PAPOLA: variants seen among roughly 807,000 people sequenced by gnomAD.
The protein encoded by PAPOLA is polynucleotide adenylyltransferase alpha.
In PAPOLA, 15 loss-of-function variants were observed where a neutral mutation model predicts 100.6. The observed-to-expected ratio is 0.15, with a 90% confidence interval of 0.10 to 0.23. The LOEUF is 0.23. Ranked by LOEUF, PAPOLA falls within the 10% of genes least tolerant of loss-of-function variation. PAPOLA has a pLI of 1.00. For missense variants in PAPOLA, 533 were observed against 884.2 expected, an observed-to-expected ratio of 0.60 and a Z score of 5.04; for synonymous variants, 293 against 300.0, an observed-to-expected ratio of 0.98 and a Z score of 0.24.
chr14:96,545,197 A>G (rs926863704), intron 15 of PAPOLA, among the ~76,000 whole-genome samples: 2 of 152,074 alleles, frequency 1.3e-5, no homozygotes, highest in Non-Finnish European at 2.9e-5. Context: ...TAATTACAGG[A>G]GAGAAAAAAG....
chr14:96,535,354 G>A, intron 10 of PAPOLA: 1 of 982,916 alleles, frequency 1.0e-6, no homozygotes, highest in Non-Finnish European at 1.2e-6. Flanking sequence ...GCCACTTACT[G>A]ATATACAGAT....
Position 96,544,328 on chromosome 14 carries a change from T to C in PAPOLA, c.1399+70T>C. ...TTTCAAATTGTCTTGATGCATACCATAGTGATATTTACAATAATTGTTGAA... is the reference window on the plus strand; with the variant it reads ...TTTCAAATTGTCTTGATGCATACCACAGTGATATTTACAATAATTGTTGAA... On this transcript the variant is annotated intron_variant, in intron 15 of 21. Coordinates refer to ENST00000216277, the MANE Select transcript of PAPOLA (RefSeq NM_032632.5). The C allele has an allele frequency of 4.2e-6, 3 of 713,248 alleles. No individual in the cohort carries two copies. The East Asian group carries it at 7.6e-5, about 18-fold the overall frequency. The allele number at this position is 713,248 out of a possible 1,614,324, so 44.2% of individuals were successfully genotyped here.
intron 1 of PAPOLA, among the ~76,000 whole-genome samples, chr14:96,519,330 T>C (rs1286419527): frequency 6.6e-6 from 1 of 152,178 alleles, no homozygotes; most frequent in Non-Finnish European, 1.5e-5. Context: ...ATTCAACTGT[T>C]AGTTTAAAAT....
At chr14:96,507,738 G>C (rs1169903925) in intron 1 of PAPOLA, among the ~76,000 whole-genome samples, 1 of 152,138 alleles carries the variant, frequency 6.6e-6, no homozygotes, top group Non-Finnish European at 1.5e-5. Flanking sequence ...CATTTTAAGA[G>C]TTTTACAACT....
intron 3 of PAPOLA, among the ~76,000 whole-genome samples, chr14:96,523,986 G>C (rs1439001234): frequency 6.6e-6 from 1 of 151,408 alleles, no homozygotes; most frequent in Non-Finnish European, 1.5e-5. Flanking sequence ...TTGTCTATTA[G>C]TGTCTATAGT....
chr14:96,534,418 T>C, intron 9 of PAPOLA, 73 bp from the exon 10 acceptor site: 1 of 1,578,176 alleles, frequency 6.3e-7, no homozygotes, highest in Non-Finnish European at 8.6e-7. Flanking sequence ...TCACAAATGC[T>C]GTATGTTTAA....
chr14:96,509,040 T>G (rs544124802), intron 1 of PAPOLA, among the ~76,000 whole-genome samples: 1 of 152,254 alleles, frequency 6.6e-6, no homozygotes, highest in East Asian at 1.9e-4. Flanking sequence ...GTTGGAGTCT[T>G]TATTTATTTT....
chr14:96,522,141 T>G (rs1898050865), intron 3 of PAPOLA, among the ~76,000 whole-genome samples: 1 of 139,088 alleles, frequency 7.2e-6, no homozygotes, highest in Non-Finnish European at 1.5e-5. Flanking sequence ...TTTTTTTTTT[T>G]GAGACAGTCT....
At chr14:96,535,453 T>G (rs1326845675) in intron 10 of PAPOLA, 1 of 984,978 alleles carries the variant, frequency 1.0e-6, no homozygotes, top group Admixed American at 6.1e-5. Context: ...CTTGAACTCC[T>G]TAATAGTTTC....
Position 96,520,109 on chromosome 14 carries a change from C to T in PAPOLA, c.63C>T (p.Gly21=). 1 of 1,613,894 alleles carries T rather than the reference C, an allele frequency of 6.2e-7. No homozygotes were observed. The highest frequency in any genetic ancestry group is 1.3e-5 in the African/African-American group (1 of 75,046). ...QQTQPPQKHY[G]ITSPISLAAP... is the part of the protein sequence containing the mutation. ...CACAACCGCCACAGAAGCACTATGG[C>T]ATTACTTCTCCTATCAGCTTAGCAG... Residue 21 remains glycine (G), a synonymous_variant, in exon 2 of 22, where the codon GGC becomes GGT. Coordinates refer to ENST00000216277, the MANE Select transcript of PAPOLA (RefSeq NM_032632.5).
At chr14:96,518,328 A>G (rs961928420) in intron 1 of PAPOLA, among the ~76,000 whole-genome samples, 1 of 152,136 alleles carries the variant, frequency 6.6e-6, no homozygotes, top group Non-Finnish European at 1.5e-5. Flanking sequence ...TGGAGTATAG[A>G]CCAGAACCCA....
At chr14:96,534,976 A>G in intron 10 of PAPOLA, 3 of 987,682 alleles carry the variant, frequency 3.0e-6, no homozygotes, top group Non-Finnish European at 3.6e-6. Flanking sequence ...CATGTGGCAT[A>G]TAACTTCTAA....
chr14:96,553,936 A>G (rs961261984), intron 17 of PAPOLA, among the ~76,000 whole-genome samples: 8 of 152,148 alleles, frequency 5.3e-5, no homozygotes, highest in Non-Finnish European at 1.0e-4. Context: ...TCATGTGTAT[A>G]TGTTTTTAGG....
Position 96,536,834 on chromosome 14 carries a change from C to T in PAPOLA, c.1031-142C>T, listed in dbSNP as rs1899577803. 6.8e-6 allele frequency: 4 copies of T among 586,274 alleles called. No individual in the cohort carries two copies. In the Middle Eastern group the frequency reaches 1.0e-3, roughly 151 times the overall value. 36.3% of individuals were successfully genotyped at this position (586,274 alleles called of 1,614,324 possible). ...AAATGTGTATATATATAAGAGTATG[C>T]TCTAAAATCATAAGCTAAAACTATA... On this transcript the variant is annotated intron_variant, in intron 11 of 21. Coordinates refer to ENST00000216277, the MANE Select transcript of PAPOLA (RefSeq NM_032632.5).
At chr14:96,530,725 A>G (rs1023633935) in intron 6 of PAPOLA, among the ~76,000 whole-genome samples, 1 of 152,132 alleles carries the variant, frequency 6.6e-6, no homozygotes, top group African/African-American at 2.4e-5. Flanking sequence ...TAAAATACCT[A>G]TGATACGAAA....
At chr14:96,523,199 A>G (rs752200653) in intron 3 of PAPOLA, among the ~76,000 whole-genome samples, 5 of 152,178 alleles carry the variant, frequency 3.3e-5, no homozygotes, top group Non-Finnish European at 7.4e-5. Flanking sequence ...AGATTTTGCA[A>G]GTGAAAATGT....
At position 96,502,530 on chromosome 14, in the gene PAPOLA, C is replaced by T. The variant is rs940287365; in HGVS notation, c.-63C>T. 12 of 1,379,652 alleles carry T rather than the reference C, an allele frequency of 8.7e-6. No individual in the cohort carries two copies. The highest frequency in any genetic ancestry group is 1.9e-4 in the Middle Eastern group (1 of 5,330). The allele number at this position is 1,379,652 out of a possible 1,614,324, so 85.5% of individuals were successfully genotyped here. Reference sequence around the variant, plus strand: ...TCCCTCCCGCCTCAGTGGATCATGCCCAGGGCGGCAGCGGCGGCGGTTGCG... The same window carrying T: ...TCCCTCCCGCCTCAGTGGATCATGCTCAGGGCGGCAGCGGCGGCGGTTGCG... On this transcript the variant is annotated 5_prime_UTR_variant, in exon 1 of 22. Coordinates refer to ENST00000216277, the MANE Select transcript of PAPOLA (RefSeq NM_032632.5).
intron 9 of PAPOLA, chr14:96,533,076 T>A: frequency 6.1e-6 from 6 of 978,870 alleles, no homozygotes; most frequent in Non-Finnish European, 7.3e-6. Flanking sequence ...TGGCCTAATA[T>A]TAAAGATACG....
intron 9 of PAPOLA, chr14:96,533,562 T>C: frequency 1.0e-6 from 1 of 952,526 alleles, no homozygotes; most frequent in Non-Finnish European, 1.2e-6. Flanking sequence ...TTTTTTTTTT[T>C]TTTTTTGTTT....
Sources: gnomAD v4.1 joint callset for allele counts (sites outside exome capture counted in the v4.1 genomes callset) on GRCh38, gnomAD v4.1.1 for gene constraint, MANE v1.5 for transcripts, NCBI Gene and HGNC (gene_info 2026-07-23, HGNC 2026-07-21) for gene names.